Variants in SNTB1 observed in about 807,000 individuals in gnomAD.
The protein encoded by SNTB1 is beta-1-syntrophin.
SNTB1 carries 36 observed loss-of-function variants against 48.9 expected under a neutral mutation model. The observed-to-expected ratio is 0.74, with a 90% CI of 0.56 to 0.97. The LOEUF (loss-of-function observed/expected upper bound fraction) is 0.97. Ranked by LOEUF, SNTB1 falls within the 50% of genes least tolerant of loss-of-function variation. The pLI is 0.00. For synonymous variants in SNTB1, 299 were observed against 294.6 expected (o/e 1.01, Z -0.15); for missense variants, 786 against 703.4 (o/e 1.12, Z -1.33).
Position 120,724,863 on chromosome 8 carries a change from G to A in SNTB1, c.572-30955C>T, listed in dbSNP as rs1356123365. On this transcript the variant is annotated intron_variant, in intron 1 of 6. Transcript: ENST00000517992. The stretch of plus-strand genomic sequence containing the variant: ...CTGTGGGTGAAATGCACAAGGCAGA[G>A]TGTGAACAGGAGGGAAGTAGGCTAG... Among the ~76,000 whole-genome samples the A allele has an allele frequency of 1.3e-5, 2 of 152,328 alleles. 1 individual carries two copies. Among genetic ancestry groups the A allele is most frequent in the South Asian group, 4.1e-4 (2 of 4,824 alleles).
intron 4 of SNTB1, among the ~76,000 whole-genome samples, chr8:120,562,081 A>G (rs1337373554): frequency 6.6e-6 from 1 of 152,244 alleles, no homozygotes. Flanking sequence ...GATTTAAGAC[A>G]CTGGGATTCC....
In SNTB1 at chr8:120,594,443, G is replaced by A. The variant is rs188740562; in HGVS notation, c.997-19218C>T. On this transcript the variant is annotated intron_variant, in intron 3 of 6. Coordinates refer to ENST00000517992, the MANE Select transcript of SNTB1 (RefSeq NM_021021.4). ...AGTAGAGGTGGAGTTTCACCATGTT[G>A]GCCAGGCTGGTCTTGAACTCCTGAC... is the stretch of plus-strand genomic sequence containing the variant. 6.0e-3 allele frequency among the ~76,000 whole-genome samples: 918 copies of A among 152,206 alleles called. 7 individuals carry two copies. The highest frequency in any genetic ancestry group is 0.02 in the African/African-American group (849 of 41,542).
At position 120,786,795 on chromosome 8, in the gene SNTB1, C is replaced by T. The variant is rs543553884; in HGVS notation, c.571+24478G>A. Among the ~76,000 whole-genome samples, 3 of 152,252 alleles carry T rather than the reference C, an allele frequency of 2.0e-5. No homozygotes were observed. The East Asian group carries it at 5.8e-4, about 29-fold the overall frequency. ...CCTCATTGCATTTCACTGAAAGCTT[C>T]CCCACCTACCTCTGTCAAGTCTGGG... On this transcript the variant is annotated intron_variant, in intron 1 of 6. Transcript: ENST00000517992.
intron 3 of SNTB1, among the ~76,000 whole-genome samples, chr8:120,605,828 T>G (rs1277331099): frequency 6.6e-6 from 1 of 152,140 alleles, no homozygotes; most frequent in Non-Finnish European, 1.5e-5. Flanking sequence ...GTCAGCCTTA[T>G]GGAATCTTTA....
At chr8:120,635,611 G>A (rs573865686) in intron 2 of SNTB1, 65 of 170,898 alleles carry the variant, frequency 3.8e-4, no homozygotes, top group Non-Finnish European at 1.1e-4. Context: ...CTTTTTTCCA[G>A]CACTGCTGTT....
chr8:120,645,885 T>C (rs1472073221), intron 2 of SNTB1, among the ~76,000 whole-genome samples: 1 of 94,550 alleles, frequency 1.1e-5, no homozygotes, highest in Non-Finnish European at 2.1e-5. Flanking sequence ...TTCACATCCC[T>C]TGTAAGTTGG....
chr8:120,641,955 G>A (rs958223927), intron 2 of SNTB1, among the ~76,000 whole-genome samples: 1 of 151,956 alleles, frequency 6.6e-6, no homozygotes, highest in African/African-American at 2.4e-5. Flanking sequence ...TGAAATACCA[G>A]GTCCCATACT....
intron 3 of SNTB1, among the ~76,000 whole-genome samples, chr8:120,581,254 C>T (rs1816045273): frequency 6.6e-6 from 1 of 152,154 alleles, no homozygotes; most frequent in South Asian, 2.1e-4. Context: ...TAACTTCTCT[C>T]TTCTCACAAG....
At chr8:120,607,517 T>C (rs1329503391) in intron 3 of SNTB1, among the ~76,000 whole-genome samples, 1 of 152,234 alleles carries the variant, frequency 6.6e-6, no homozygotes, top group Non-Finnish European at 1.5e-5. Context: ...TAACTCGTCA[T>C]TTAACATTAG....
At chr8:120,715,057 T>C (rs1818532212) in intron 1 of SNTB1, among the ~76,000 whole-genome samples, 1 of 152,250 alleles carries the variant, frequency 6.6e-6, no homozygotes, top group Non-Finnish European at 1.5e-5. Context: ...CACAGTCGAA[T>C]TCCCTTTCAA....
chr8:120,780,536 A>T (rs1360839959), intron 1 of SNTB1, among the ~76,000 whole-genome samples: 1 of 152,258 alleles, frequency 6.6e-6, no homozygotes, highest in African/African-American at 2.4e-5. Context: ...TTTCTAAATT[A>T]TAAGTCAAAG....
At chr8:120,623,693 T>C (rs781564704) in intron 3 of SNTB1, among the ~76,000 whole-genome samples, 8 of 152,192 alleles carry the variant, frequency 5.3e-5, no homozygotes, top group Non-Finnish European at 7.3e-5. Context: ...AGGTAGGGAA[T>C]ATCTCCCTTA....
intron 1 of SNTB1, among the ~76,000 whole-genome samples, chr8:120,779,144 T>C (rs1388172539): frequency 6.6e-6 from 1 of 152,194 alleles, no homozygotes; most frequent in Non-Finnish European, 1.5e-5. Context: ...TAGGATCTAA[T>C]CAAGGATTTT....
chr8:120,711,429 G>T (rs1818462110), intron 1 of SNTB1, among the ~76,000 whole-genome samples: 1 of 152,140 alleles, frequency 6.6e-6, no homozygotes, highest in African/African-American at 2.4e-5. Flanking sequence ...CTCTAGGTTA[G>T]CTAAATGGGA....
At chr8:120,550,531 G>A in intron 4 of SNTB1, among the ~76,000 whole-genome samples, 1 of 130,540 alleles carries the variant, frequency 7.7e-6, no homozygotes, top group East Asian at 2.1e-4. Context: ...AACAGTGCGA[G>A]ACTCTGTCTT....
intron 2 of SNTB1, among the ~76,000 whole-genome samples, chr8:120,648,833 T>G (rs1025133184): frequency 1.3e-5 from 2 of 152,254 alleles, no homozygotes; most frequent in Non-Finnish European, 2.9e-5. Flanking sequence ...TCTTTTCAAA[T>G]AGTCCCATAT....
At chr8:120,591,337 T>C (rs1161642156) in intron 3 of SNTB1, among the ~76,000 whole-genome samples, 2 of 152,096 alleles carry the variant, frequency 1.3e-5, no homozygotes, top group Non-Finnish European at 2.9e-5. Flanking sequence ...TCATCCTGCC[T>C]TTTGACCCTT....
chr8:120,593,643 G>T (rs1330520135), intron 3 of SNTB1, among the ~76,000 whole-genome samples: 1 of 152,174 alleles, frequency 6.6e-6, no homozygotes, highest in Non-Finnish European at 1.5e-5. Flanking sequence ...CTTATAAGCG[G>T]TATTTGCATC....
At chr8:120,695,798 T>A (rs904901784) in intron 1 of SNTB1, among the ~76,000 whole-genome samples, 1 of 152,138 alleles carries the variant, frequency 6.6e-6, no homozygotes, top group Non-Finnish European at 1.5e-5. Flanking sequence ...CACCAACACA[T>A]ATTTTCAAGG....
Sources: allele counts gnomAD v4.1 joint callset (sites outside exome capture counted in the v4.1 genomes callset), GRCh38; gene constraint gnomAD v4.1.1; transcripts MANE v1.5; gene names NCBI Gene and HGNC (gene_info 2026-07-23, HGNC 2026-07-21).